EPM2A: variants seen among roughly 807,000 people sequenced by gnomAD.
EPM2A encodes laforin.
Under a neutral mutation model 26.5 loss-of-function variants are expected in EPM2A, and 21 were observed. The observed-to-expected ratio is 0.79, with a 90% CI of 0.56 to 1.14. EPM2A has a LOEUF of 1.14. EPM2A is among the 50% of genes most tolerant of loss of function. The pLI, the probability that EPM2A is intolerant of heterozygous loss-of-function variation, is 0.00. For missense variants in EPM2A, 458 were observed against 440.8 expected, an observed-to-expected ratio of 1.04 and a Z score of -0.35; for synonymous variants, 217 against 177.6, an observed-to-expected ratio of 1.22 and a Z score of -1.76.
chr6:145,480,166 A>G (rs1779596052), intron 4 of EPM2A, among the ~76,000 whole-genome samples: 1 of 150,892 alleles, frequency 6.6e-6, no homozygotes, highest in African/African-American at 2.5e-5. Flanking sequence ...ACTACCTAAG[A>G]CTGGGTAATT....
intron 2 of EPM2A, among the ~76,000 whole-genome samples, chr6:145,668,014 T>G (rs1583010864): frequency 1.1e-5 from 1 of 89,660 alleles, no homozygotes; most frequent in Non-Finnish European, 2.1e-5. Flanking sequence ...GGGACTGTGG[T>G]GGGGTGGGGG....
In EPM2A at chr6:145,527,850, A is replaced by C. The variant is rs150457767; in HGVS notation, c.341-25275T>G. ...GCATGTCATAAGCTGAGAAATGCTG[A>C]AAGTTAGGCCTCTTGTGCTAGTTAG... On this transcript the variant is annotated intron_variant, in intron 2 of 3. Transcript: ENST00000450221. Among the ~76,000 whole-genome samples, 350 of 152,276 alleles carry C rather than the reference A, an allele frequency of 2.3e-3. 2 individuals are homozygous for C. Among genetic ancestry groups the C allele is most frequent in the Admixed American group, 4.8e-3 (73 of 15,280 alleles).
At chr6:145,734,219 C>T (rs1776678499) in intron 1 of EPM2A, among the ~76,000 whole-genome samples, 1 of 152,106 alleles carries the variant, frequency 6.6e-6, no homozygotes, top group Non-Finnish European at 1.5e-5. Flanking sequence ...TTGGTAGATG[C>T]AGAATAATTT....
At chr6:145,727,735 C>G (rs141990547) in intron 1 of EPM2A, among the ~76,000 whole-genome samples, 1,650 of 152,284 alleles carry the variant, frequency 0.011, 13 homozygotes, top group Admixed American at 0.018. Context: ...GCATTGTTAG[C>G]TGCCTACCTA....
chr6:145,630,814 C>T (rs933537533), intron 3 of EPM2A: 1 of 152,192 alleles, frequency 6.6e-6, no homozygotes, highest in Non-Finnish European at 1.5e-5. Context: ...CATTTACAAC[C>T]ACCTCTTAAC....
intron 2 of EPM2A, chr6:145,640,281 T>C (rs970980865): frequency 6.6e-6 from 1 of 152,174 alleles, no homozygotes; most frequent in Non-Finnish European, 1.5e-5. Flanking sequence ...GGGAGACAAG[T>C]CCATTCAATG....
chr6:145,444,664 G>A (rs997412555), intron 4 of EPM2A, among the ~76,000 whole-genome samples: 2 of 152,160 alleles, frequency 1.3e-5, no homozygotes, highest in Non-Finnish European at 2.9e-5. Context: ...TTTCCAAAAA[G>A]TCCAATGTCT....
downstream of EPM2A, among the ~76,000 whole-genome samples, chr6:145,621,207 G>A (rs1454067014): frequency 6.6e-6 from 1 of 152,094 alleles, no homozygotes; most frequent in Non-Finnish European, 1.5e-5. Flanking sequence ...GTCTTTCTGT[G>A]CCTGGCTTAT....
At chr6:145,443,288 G>A (rs1375881643) in intron 4 of EPM2A, among the ~76,000 whole-genome samples, 2 of 152,132 alleles carry the variant, frequency 1.3e-5, no homozygotes, top group Non-Finnish European at 2.9e-5. Context: ...TAGTTTGATA[G>A]GAATAGCATT....
At position 145,484,448 on chromosome 6, in the gene EPM2A, C is replaced by A. The variant is rs191523576; in HGVS notation, c.555+18074G>T. Among the ~76,000 whole-genome samples, 691 of 152,100 alleles carry A rather than the reference C, an allele frequency of 4.5e-3. 6 individuals are homozygous for A. The highest frequency in any genetic ancestry group is 6.8e-3 in the Middle Eastern group (2 of 294). ...ATTTTTTGAAGATCCATGTTCACCACCCCCAAAAAGATAACAATCCTGTTG... is the reference window on the plus strand; with the variant it reads ...ATTTTTTGAAGATCCATGTTCACCAACCCCAAAAAGATAACAATCCTGTTG... On this transcript the variant is annotated intron_variant, in intron 4 of 4. Transcript: ENST00000638717.
intron 2 of EPM2A, among the ~76,000 whole-genome samples, chr6:145,503,301 T>C (rs1185383915): frequency 6.7e-6 from 1 of 150,274 alleles, no homozygotes. Context: ...GGAAGTCAAA[T>C]TGTCCCTGTT....
chr6:145,407,609 A>G (rs1014755976), intron 4 of EPM2A, among the ~76,000 whole-genome samples: 1 of 152,184 alleles, frequency 6.6e-6, no homozygotes, highest in Non-Finnish European at 1.5e-5. Flanking sequence ...CATGAACTAA[A>G]CTAAAATGCC....
intron 2 of EPM2A, among the ~76,000 whole-genome samples, chr6:145,573,908 T>C (rs1488953231): frequency 1.3e-5 from 2 of 152,182 alleles, no homozygotes; most frequent in Non-Finnish European, 2.9e-5. Flanking sequence ...TAATGATGTT[T>C]TGGATCCCCT....
intron 4 of EPM2A, among the ~76,000 whole-genome samples, chr6:145,394,210 C>A (rs1038736764): frequency 6.6e-6 from 1 of 152,094 alleles, no homozygotes; most frequent in Admixed American, 6.5e-5. Context: ...GAGAGAGTTC[C>A]TTGAAAGGCA....
intron 4 of EPM2A, among the ~76,000 whole-genome samples, chr6:145,481,096 A>C (rs943121960): frequency 1.3e-5 from 2 of 152,052 alleles, no homozygotes; most frequent in African/African-American, 4.8e-5. Flanking sequence ...TCCACCTTCA[A>C]CTGTCACAGG....
intron 2 of EPM2A, among the ~76,000 whole-genome samples, chr6:145,669,832 C>A (rs1779516433): frequency 6.6e-6 from 1 of 152,186 alleles, no homozygotes; most frequent in Non-Finnish European, 1.5e-5. Context: ...ATTCATGAGT[C>A]AGTACATTTA....
chr6:145,485,800 C>T (rs422099), intron 4 of EPM2A, among the ~76,000 whole-genome samples: 52,885 of 152,026 alleles, frequency 0.35, 9,952 homozygotes, highest in South Asian at 0.49. Context: ...GCTGGGGAAG[C>T]CTCGCAATCA....
At chr6:145,484,489 T>C (rs1779649317) in intron 4 of EPM2A, among the ~76,000 whole-genome samples, 1 of 152,052 alleles carries the variant, frequency 6.6e-6, no homozygotes, top group South Asian at 2.1e-4. Flanking sequence ...ATAACATATA[T>C]ACATACCAAA....
At chr6:145,553,210 A>G (rs916090645) in intron 2 of EPM2A, among the ~76,000 whole-genome samples, 2 of 152,104 alleles carry the variant, frequency 1.3e-5, no homozygotes, top group African/African-American at 4.8e-5. Flanking sequence ...GCCTTCCACC[A>G]TGATTGTAAG....
Sources: gnomAD v4.1 joint callset for allele counts (sites outside exome capture counted in the v4.1 genomes callset) on GRCh38, gnomAD v4.1.1 for gene constraint, MANE v1.5 for transcripts, NCBI Gene and HGNC (gene_info 2026-07-23, HGNC 2026-07-21) for gene names.